The following USP32 variants were observed in gnomAD, a reference collection of about 807,000 sequenced individuals.
USP32 encodes ubiquitin carboxyl-terminal hydrolase 32.
Under a neutral mutation model 204.8 loss-of-function variants are expected in USP32, and 59 were observed. That is an observed-to-expected ratio of 0.29 (90% CI 0.23 to 0.36). The LOEUF (loss-of-function observed/expected upper bound fraction) is 0.36, where lower values mean the gene tolerates loss of function less well. Among genes scored for constraint, USP32 ranks in the 10% least tolerant of loss-of-function variants. The pLI is 1.00. For synonymous variants in USP32, 517 were observed against 678.4 expected, an observed-to-expected ratio of 0.76 and a Z score of 3.70; for missense variants, 1,160 against 1,946.4, an observed-to-expected ratio of 0.60 and a Z score of 7.60.
intron 7 of USP32, among the ~76,000 whole-genome samples, chr17:60,267,678 G>A (rs999667700): frequency 6.6e-6 from 1 of 151,120 alleles, no homozygotes; most frequent in Non-Finnish European, 1.5e-5. Flanking sequence ...CCACCACCAC[G>A]CCCGGCTAAC....
At position 60,181,756 on chromosome 17, in the gene USP32, C is replaced by G. The variant is rs773861108; in HGVS notation, c.4124-8G>C. On this transcript the variant is annotated splice_region_variant and splice_polypyrimidine_tract_variant and intron_variant, in intron 31 of 33. Transcript: ENST00000300896. ...TTGATGAAGAAGGAGAACCTGTGAA[C>G]AGGACAGAAGAAAAGATTCACAAAT... The G allele has an allele frequency of 6.2e-7, 1 of 1,603,220 alleles. No homozygotes were observed. The highest frequency in any genetic ancestry group is 8.5e-7 in the Non-Finnish European group (1 of 1,174,968).
intron 1 of USP32, among the ~76,000 whole-genome samples, chr17:60,386,555 C>T (rs1011542308): frequency 1.8e-4 from 27 of 152,194 alleles, no homozygotes; most frequent in African/African-American, 6.3e-4. Context: ...TTCCTTTTCT[C>T]GTCCTGAGAA....
intron 11 of USP32, chr17:60,245,626 C>A: frequency 6.4e-6 from 2 of 312,712 alleles, no homozygotes; most frequent in Non-Finnish European, 6.2e-6. Flanking sequence ...TTGGACTTCA[C>A]AAGGGGTCTG....
intron 1 of USP32, 141 bp from the exon 2 acceptor site, chr17:60,345,749 A>G: frequency 9.6e-7 from 1 of 1,037,060 alleles, no homozygotes; most frequent in Non-Finnish European, 1.4e-6. Flanking sequence ...TGGAAGGCCA[A>G]GGCAGGCGGA....
intron 11 of USP32, among the ~76,000 whole-genome samples, chr17:60,238,526 G>T (rs2085793656): frequency 6.6e-6 from 1 of 151,900 alleles, no homozygotes; most frequent in African/African-American, 2.4e-5. Flanking sequence ...AAATTAGCTG[G>T]GCGCAGTGCC....
intron 1 of USP32, among the ~76,000 whole-genome samples, chr17:60,361,995 T>C (rs764049126): frequency 6.6e-6 from 1 of 152,196 alleles, no homozygotes; most frequent in African/African-American, 2.4e-5. Flanking sequence ...ACTATGTCCA[T>C]ACAAAGTTGT....
chr17:60,339,583 CAAA>C (rs1420937665), intron 2 of USP32, among the ~76,000 whole-genome samples: 4 of 65,902 alleles, frequency 6.1e-5, no homozygotes. Flanking sequence ...AACTCCATCT[CAAA>C]AAAAAAAAAA....
intron 29 of USP32, among the ~76,000 whole-genome samples, chr17:60,187,851 C>A (rs1256789390): frequency 3.0e-4 from 46 of 152,178 alleles, no homozygotes; most frequent in Admixed American, 2.9e-3. Context: ...GCACCCTCTT[C>A]TTTTTCAAAG....
intron 3 of USP32, 56 bp downstream of exon 3, chr17:60,301,543 G>T: frequency 1.8e-6 from 2 of 1,097,708 alleles, no homozygotes; most frequent in Non-Finnish European, 2.5e-6. Context: ...TCAGAATTTT[G>T]AGATAAATTA....
Position 60,178,715 on chromosome 17 carries a change from T to TA in USP32, c.*539dup, listed in dbSNP as rs1161781120. Among the ~76,000 whole-genome samples, 3 of 152,210 alleles carry TA rather than the reference T, an allele frequency of 2.0e-5. No homozygotes were observed. The highest frequency in any genetic ancestry group is 1.3e-4 in the Admixed American group (2 of 15,282). ...ACAAAGAAAGGGTATGGAAACAGTT[T>TA]AAAAAATAAATTGAAAAATCCTCGT... is the stretch of plus-strand genomic sequence containing the variant. On this transcript the variant is annotated 3_prime_UTR_variant, in exon 34 of 34. Coordinates refer to ENST00000300896, the MANE Select transcript of USP32 (RefSeq NM_032582.4).
intron 1 of USP32, among the ~76,000 whole-genome samples, chr17:60,354,995 G>A (rs2089035228): frequency 6.6e-6 from 1 of 152,210 alleles, no homozygotes; most frequent in Non-Finnish European, 1.5e-5. Flanking sequence ...AGTGAGCCGA[G>A]ATAGCGCCAC....
At chr17:60,392,256 C>G, upstream of USP32, 1 of 337,512 alleles carries the variant, frequency 3.0e-6, no homozygotes. Flanking sequence ...CCAGCTCCGC[C>G]GAGGGTCACG....
At chr17:60,317,720 G>C (rs1287233435) in intron 2 of USP32, among the ~76,000 whole-genome samples, 1 of 151,886 alleles carries the variant, frequency 6.6e-6, no homozygotes, top group Non-Finnish European at 1.5e-5. Flanking sequence ...GGAGGCTAAA[G>C]AGGGAGGATT....
At chr17:60,265,831 G>A in intron 8 of USP32, 145 bp downstream of exon 8, 4 of 603,606 alleles carry the variant, frequency 6.6e-6, no homozygotes, top group Non-Finnish European at 1.1e-5. Context: ...TTCCAATTTT[G>A]CATCTTCAGC....
intron 1 of USP32, among the ~76,000 whole-genome samples, chr17:60,411,776 G>C (rs2090020753): frequency 6.6e-6 from 1 of 151,966 alleles, no homozygotes; most frequent in African/African-American, 2.4e-5. Context: ...TCACTTAGTA[G>C]AGTTTTTAAG....
intron 1 of USP32, among the ~76,000 whole-genome samples, chr17:60,412,311 C>T (rs905577466): frequency 2.0e-5 from 3 of 152,040 alleles, no homozygotes; most frequent in East Asian, 3.9e-4. Context: ...TTGAGACCAG[C>T]CTGGGCAACA....
At chr17:60,181,142 T>C (rs1422093506) in intron 32 of USP32, among the ~76,000 whole-genome samples, 182 bp downstream of exon 32, 1 of 152,080 alleles carries the variant, frequency 6.6e-6, no homozygotes, top group Non-Finnish European at 1.5e-5. Flanking sequence ...AGTGCTGGGA[T>C]TGATTACAGG....
chr17:60,229,517 T>C (rs987862117), intron 12 of USP32, among the ~76,000 whole-genome samples: 10 of 152,226 alleles, frequency 6.6e-5, no homozygotes, highest in African/African-American at 2.4e-4. Flanking sequence ...CTGGAACTTG[T>C]GTTTTAGAAG....
intron 2 of USP32, among the ~76,000 whole-genome samples, chr17:60,329,065 G>A (rs75084440): frequency 0.026 from 3,995 of 152,224 alleles, 86 homozygotes; most frequent in Non-Finnish European, 0.037. Context: ...CACGTTTCTG[G>A]CCAGAAAGGA....
Sources: gnomAD v4.1 joint callset for allele counts (sites outside exome capture counted in the v4.1 genomes callset) on GRCh38, gnomAD v4.1.1 for gene constraint, MANE v1.5 for transcripts, NCBI Gene and HGNC (gene_info 2026-07-23, HGNC 2026-07-21) for gene names.